Variants in MEGF6 observed in about 807,000 individuals in gnomAD.
MEGF6 encodes multiple EGF like domains 6.
Under a neutral mutation model 207.1 loss-of-function variants are expected in MEGF6, and 184 were observed. The ratio of observed to expected loss-of-function variants is 0.89; its 90% confidence interval spans 0.79 to 1.00. The LOEUF is 1.00. Among genes scored for constraint, MEGF6 ranks in the 50% least tolerant of loss-of-function variants. The pLI, the probability that MEGF6 is intolerant of heterozygous loss-of-function variation, is 0.00. For missense variants in MEGF6, 2,282 were observed against 2,202.9 expected, an observed-to-expected ratio of 1.04 and a Z score of -0.72; for synonymous variants, 1,038 against 910.0, an observed-to-expected ratio of 1.14 and a Z score of -2.53.
intron 1 of MEGF6, among the ~76,000 whole-genome samples, chr1:3,603,165 C>T (rs1008899684): frequency 6.6e-6 from 1 of 152,220 alleles, no homozygotes; most frequent in Non-Finnish European, 1.5e-5. Flanking sequence ...CTGCCAAACT[C>T]CTTCAGGTCC....
At chr1:3,515,251 T>A in intron 6 of MEGF6, 151 bp downstream of exon 6, 1 of 963,078 alleles carries the variant, frequency 1.0e-6, no homozygotes, top group Non-Finnish European at 1.5e-6. Context: ...GCCCCCATCC[T>A]GAGCTTCCTG....
At chr1:3,524,815 T>C (rs1300505276) in intron 4 of MEGF6, among the ~76,000 whole-genome samples, 1 of 152,108 alleles carries the variant, frequency 6.6e-6, no homozygotes, top group East Asian at 1.9e-4. Flanking sequence ...GATGAGATTG[T>C]TCCGGATGAG....
rs151069072 is a variant in MEGF6 at position 3,488,414 on chromosome 1, T to C, written c.*2114A>G. 3.5e-4 allele frequency among the ~76,000 whole-genome samples: 53 copies of C among 152,258 alleles called. No individual in the cohort carries two copies. The highest frequency in any genetic ancestry group is 1.0e-3 in the African/African-American group (43 of 41,550). ...ATGCTGAGACTGTCGGGGGTTCCCA[T>C]TGGGGAGTAATGGTGATATTCTGAC... On this transcript the variant is annotated 3_prime_UTR_variant, in exon 37 of 37. Transcript: ENST00000356575.
intron 4 of MEGF6, among the ~76,000 whole-genome samples, chr1:3,547,717 C>A (rs559906262): frequency 1.3e-5 from 2 of 152,318 alleles, no homozygotes; most frequent in Non-Finnish European, 2.9e-5. Flanking sequence ...CTGAGCCCAG[C>A]CTGCCAGGAC....
intron 4 of MEGF6, among the ~76,000 whole-genome samples, chr1:3,529,701 G>A (rs986707913): frequency 2.0e-5 from 3 of 152,214 alleles, no homozygotes; most frequent in Admixed American, 6.5e-5. Flanking sequence ...GCCTCAGGGA[G>A]CCCATGGGGC....
At chr1:3,537,326 CG>C (rs1418929886) in intron 4 of MEGF6, among the ~76,000 whole-genome samples, 1 of 152,150 alleles carries the variant, frequency 6.6e-6, no homozygotes, top group Non-Finnish European at 1.5e-5. Context: ...TGGCTGGTGG[CG>C]GGGGGTTGAG....
chr1:3,601,492 G>C (rs1227049885), intron 2 of MEGF6, among the ~76,000 whole-genome samples: 1 of 152,088 alleles, frequency 6.6e-6, no homozygotes, highest in Non-Finnish European at 1.5e-5. Context: ...TTGTTTTGGG[G>C]GCTCAGGATC....
chr1:3,502,412 A>G (rs113285397), intron 17 of MEGF6, among the ~76,000 whole-genome samples: 40 of 151,698 alleles, frequency 2.6e-4, no homozygotes, highest in Admixed American at 4.6e-4. Flanking sequence ...ATGCTGATCC[A>G]GTCTCTCCCA....
rs748165622 is a variant in MEGF6, at chr1:3,490,626, G to A, written c.4565-37C>T. On this transcript the variant is annotated intron_variant, in intron 36 of 36. Coordinates refer to ENST00000356575, the MANE Select transcript of MEGF6 (RefSeq NM_001409.4). ...GAGAAAAGAGGGCCAGTCCAGGGTG[G>A]GGCGGGTGCTCCCAGAACAGACTGG... The A allele has an allele frequency of 4.2e-5, 68 of 1,605,142 alleles. No individual in the cohort carries two copies. The African/African-American group carries it at 9.0e-4, about 21-fold the overall frequency.
intron 14 of MEGF6, among the ~76,000 whole-genome samples, chr1:3,506,500 G>A (rs565703162): frequency 2.6e-5 from 4 of 152,138 alleles, no homozygotes; most frequent in Non-Finnish European, 4.4e-5. Context: ...CAAAGCTCAC[G>A]CCCCACTCTC....
intron 2 of MEGF6, among the ~76,000 whole-genome samples, chr1:3,598,817 A>T (rs1194378665): frequency 6.7e-6 from 1 of 150,252 alleles, no homozygotes; most frequent in East Asian, 2.0e-4. Context: ...GAGGGACCTG[A>T]GCGGCAGCTC....
chr1:3,547,681 G>A (rs1159685214), intron 4 of MEGF6, among the ~76,000 whole-genome samples: 2 of 152,212 alleles, frequency 1.3e-5, no homozygotes, highest in Non-Finnish European at 2.9e-5. Context: ...GAGCAGGTTA[G>A]GAGCCCTGAA....
intron 4 of MEGF6, among the ~76,000 whole-genome samples, chr1:3,578,535 C>T (rs1351947170): frequency 1.6e-5 from 2 of 128,224 alleles, no homozygotes; most frequent in Admixed American, 7.3e-5. Context: ...GGCAGGGGCC[C>T]TGGGGGGGGG....
intron 4 of MEGF6, among the ~76,000 whole-genome samples, chr1:3,547,725 G>A (rs1642760702): frequency 6.6e-6 from 1 of 152,188 alleles, no homozygotes; most frequent in African/African-American, 2.4e-5. Flanking sequence ...AGCCTGCCAG[G>A]ACCCAGAGCC....
At chr1:3,526,959 C>T (rs1221413099) in intron 4 of MEGF6, among the ~76,000 whole-genome samples, 1 of 152,176 alleles carries the variant, frequency 6.6e-6, no homozygotes, top group African/African-American at 2.4e-5. Context: ...TGGGCTTGGC[C>T]TCTCTGGGAG....
chr1:3,497,138 G>A lies in MEGF6; in HGVS notation c.3482-19C>T. 3 of 1,564,340 alleles carry A rather than the reference G, an allele frequency of 1.9e-6. No homozygotes were observed. The highest frequency in any genetic ancestry group is 2.6e-6 in the Non-Finnish European group (3 of 1,152,660). Reference sequence around the variant, plus strand: ...GGGCAGGCTGGGTGGAGACAGGCAGGGTCGGTCCTGGCCCAGCCCCGCCAA... The same window carrying A: ...GGGCAGGCTGGGTGGAGACAGGCAGAGTCGGTCCTGGCCCAGCCCCGCCAA... On this transcript the variant is annotated intron_variant, in intron 27 of 36. Transcript: ENST00000356575.
rs1041272325 is a variant in MEGF6, at chr1:3,501,863, G to A, written c.2247C>T (p.Ala749=). 1.9e-6 allele frequency: 3 copies of A among 1,608,340 alleles called. No homozygotes were observed. In the African/African-American group the frequency reaches 4.0e-5, roughly 22 times the overall value. The part of the protein sequence containing the change: ...NCSSSCSCGG[A]PCHGVTGQCR... The stretch of plus-strand genomic sequence containing the variant: ...ACTGCCCCGTGACCCCGTGGCAGGG[G>A]GCCCCCCCACAGGAGCAGGAGCTCG... The change falls in exon 18 of 37, where the codon GCC becomes GCT. Residue 749 remains alanine (A), a synonymous_variant. Transcript: ENST00000356575.
intron 4 of MEGF6, among the ~76,000 whole-genome samples, chr1:3,558,806 G>T (rs10909967): frequency 6.6e-6 from 1 of 152,164 alleles, no homozygotes; most frequent in South Asian, 2.1e-4. Flanking sequence ...TGTTTGCAGC[G>T]CTGAGCACCT....
chr1:3,586,318 C>A (rs956948824), intron 3 of MEGF6, among the ~76,000 whole-genome samples: 4 of 152,196 alleles, frequency 2.6e-5, no homozygotes, highest in African/African-American at 9.7e-5. Context: ...GGCGTGTGGC[C>A]TTGTGCACGC....
Sources: gnomAD v4.1 joint callset for allele counts (sites outside exome capture counted in the v4.1 genomes callset) on GRCh38, gnomAD v4.1.1 for gene constraint, MANE v1.5 for transcripts, NCBI Gene and HGNC (gene_info 2026-07-23, HGNC 2026-07-21) for gene names.